Variants in NTRK3 observed in about 807,000 individuals in gnomAD.
NTRK3 encodes the protein neurotrophic receptor tyrosine kinase 3.
A neutral mutation model predicts 91.7 loss-of-function variants in NTRK3; 24 were observed. That is an observed-to-expected ratio of 0.26 (90% confidence interval 0.19 to 0.37). NTRK3 has a LOEUF of 0.37. NTRK3 is among the 10% of genes least tolerant of loss of function. The probability of loss-of-function intolerance (pLI) is 1.00; values close to 1 mark genes in which losing one functional copy is unlikely to be tolerated. For missense variants in NTRK3, 880 were observed against 1,068.9 expected (o/e 0.82, Z 2.46); for synonymous variants, 483 against 404.0 (o/e 1.20, Z -2.34).
intron 13 of NTRK3, among the ~76,000 whole-genome samples, chr15:88,039,208 C>G (rs1437753147): frequency 6.6e-6 from 1 of 151,992 alleles, no homozygotes; most frequent in Non-Finnish European, 1.5e-5. Context: ...ATCGGCCTCT[C>G]TGCTGTCACT....
At chr15:87,958,596 G>A (rs763343138) in intron 14 of NTRK3, among the ~76,000 whole-genome samples, 1 of 151,866 alleles carries the variant, frequency 6.6e-6, no homozygotes, top group Non-Finnish European at 1.5e-5. Context: ...AGTTTTCCTT[G>A]ATGACTCTTT....
intron 14 of NTRK3, among the ~76,000 whole-genome samples, chr15:87,982,599 T>C (rs998011792): frequency 1.3e-5 from 2 of 152,158 alleles, no homozygotes; most frequent in Non-Finnish European, 2.9e-5. Flanking sequence ...CCAGAGGCTC[T>C]GGGATCTTTT....
At chr15:88,215,141 G>A (rs758536476) in intron 3 of NTRK3, among the ~76,000 whole-genome samples, 3 of 152,202 alleles carry the variant, frequency 2.0e-5, no homozygotes, top group African/African-American at 4.8e-5. Flanking sequence ...AGCACTGTGG[G>A]TTTGCCGTCT....
At chr15:88,010,017 C>T (rs2076761351) in intron 14 of NTRK3, among the ~76,000 whole-genome samples, 2 of 152,214 alleles carry the variant, frequency 1.3e-5, no homozygotes, top group Admixed American at 1.3e-4. Flanking sequence ...AGATGTCGAG[C>T]TTGCCCCCAA....
intron 3 of NTRK3, among the ~76,000 whole-genome samples, chr15:88,201,157 T>C (rs16941428): frequency 0.058 from 8,839 of 152,224 alleles, 800 homozygotes; most frequent in African/African-American, 0.19. Flanking sequence ...CCCAATCAGA[T>C]TCAAGCCCTG....
chr15:88,035,534 T>G (rs771006834), intron 13 of NTRK3, among the ~76,000 whole-genome samples: 6 of 152,238 alleles, frequency 3.9e-5, no homozygotes, highest in Non-Finnish European at 8.8e-5. Flanking sequence ...GATCTACCAG[T>G]GGAAAGTCAA....
intron 3 of NTRK3, among the ~76,000 whole-genome samples, chr15:88,193,193 C>T (rs914421242): frequency 6.6e-6 from 1 of 152,116 alleles, no homozygotes; most frequent in Non-Finnish European, 1.5e-5. Context: ...CGGCCCTCAC[C>T]CTGGCCCCCT....
intron 14 of NTRK3, among the ~76,000 whole-genome samples, chr15:87,990,075 A>G (rs1017012938): frequency 3.3e-5 from 5 of 152,148 alleles, no homozygotes; most frequent in African/African-American, 7.2e-5. Context: ...ACCAAATCCT[A>G]TAATAATGAC....
At chr15:88,123,651 G>A (rs2052973564) in intron 13 of NTRK3, among the ~76,000 whole-genome samples, 6 of 152,168 alleles carry the variant, frequency 3.9e-5, no homozygotes, top group Admixed American at 2.0e-4. Flanking sequence ...TGCAGTTTAG[G>A]GAGACATAAG....
chr15:88,231,468 T>TAC (rs147875811), intron 3 of NTRK3, among the ~76,000 whole-genome samples: 17,360 of 149,210 alleles, frequency 0.12, 1,023 homozygotes, highest in African/African-American at 0.13. Flanking sequence ...TATATGTAAA[T>TAC]ACACACACAC....
exon 19 of NTRK3, chr15:87,869,170 T>C (rs997759063): frequency 4.4e-6 from 1 of 228,918 alleles, no homozygotes; most frequent in Non-Finnish European, 8.7e-6. Context: ...TGGCTCAGCA[T>C]CATGGTCAGA....
At chr15:88,147,051 T>A (rs79124694) in intron 6 of NTRK3, among the ~76,000 whole-genome samples, 1,932 of 152,288 alleles carry the variant, frequency 0.013, 28 homozygotes, top group African/African-American at 0.044. Flanking sequence ...ATTATAAGTA[T>A]TTATACTATT....
At chr15:87,981,794 A>G (rs2074298468) in intron 14 of NTRK3, among the ~76,000 whole-genome samples, 1 of 152,162 alleles carries the variant, frequency 6.6e-6, no homozygotes, top group Non-Finnish European at 1.5e-5. Flanking sequence ...GGCTTCTAAT[A>G]TCCCATCAAA....
exon 19 of NTRK3, chr15:87,860,479 T>TC (rs200780335): frequency 0.011 from 366 of 31,882 alleles, no homozygotes; most frequent in African/African-American, 0.018. Flanking sequence ...CAAGTTAGAA[T>TC]TTTTTTTTTT....
At chr15:88,012,427 ACT>A (rs369333480) in intron 14 of NTRK3, among the ~76,000 whole-genome samples, 63 of 152,226 alleles carry the variant, frequency 4.1e-4, no homozygotes, top group African/African-American at 1.5e-3. Flanking sequence ...CACTCAGGAC[ACT>A]CTGACCCCGA....
At chr15:87,985,402 G>A (rs1047462253) in intron 14 of NTRK3, among the ~76,000 whole-genome samples, 2 of 152,176 alleles carry the variant, frequency 1.3e-5, no homozygotes, top group African/African-American at 4.8e-5. Flanking sequence ...TGGACCCAAA[G>A]TGTTCCTACA....
chr15:88,045,998 G>A (rs1170782210), intron 13 of NTRK3, among the ~76,000 whole-genome samples: 1 of 152,200 alleles, frequency 6.6e-6, no homozygotes, highest in Non-Finnish European at 1.5e-5. Context: ...TAGTGATTAA[G>A]ACTTCAACAT....
chr15:88,226,472 G>A (rs1343364533), intron 3 of NTRK3, among the ~76,000 whole-genome samples: 15 of 152,202 alleles, frequency 9.9e-5, no homozygotes, highest in Non-Finnish European at 2.2e-4. Flanking sequence ...CACAATGGGG[G>A]TGGGTCTCCA....
intron 5 of NTRK3, among the ~76,000 whole-genome samples, chr15:88,152,340 C>T (rs1236216977): frequency 1.3e-5 from 2 of 152,178 alleles, no homozygotes; most frequent in South Asian, 2.1e-4. Flanking sequence ...AAAATCCTAA[C>T]CCCCATTGTG....
Sources: gnomAD v4.1 joint callset for allele counts (sites outside exome capture counted in the v4.1 genomes callset) on GRCh38, gnomAD v4.1.1 for gene constraint, MANE v1.5 for transcripts, NCBI Gene and HGNC (gene_info 2026-07-23, HGNC 2026-07-21) for gene names.